Variants in TOP2B observed in about 807,000 individuals in gnomAD.
TOP2B encodes the protein DNA topoisomerase 2-beta.
TOP2B carries 51 observed loss-of-function variants against 193.5 expected under a neutral mutation model. That is an observed-to-expected ratio of 0.26 (90% CI 0.21 to 0.33). The LOEUF is 0.33. Among genes scored for constraint, TOP2B ranks in the 10% least tolerant of loss-of-function variants. The pLI, the probability that TOP2B is intolerant of heterozygous loss-of-function variation, is 1.00. For missense variants in TOP2B, 1,378 were observed against 1,909.3 expected, an observed-to-expected ratio of 0.72 and a Z score of 5.19; for synonymous variants, 634 against 635.7, an observed-to-expected ratio of 1.00 and a Z score of 0.04.
chr3:25,604,996 AAAT>A (rs1195149432), intron 32 of TOP2B, 126 bp from the exon 33 acceptor site: 1 of 657,498 alleles, frequency 1.5e-6, no homozygotes, highest in East Asian at 2.7e-5. Context: ...TTTTGTGACC[AAAT>A]AATCCACAAT....
At chr3:25,612,805 G>T in intron 27 of TOP2B, 96 bp from the exon 28 acceptor site, 1 of 891,224 alleles carries the variant, frequency 1.1e-6, no homozygotes, top group Non-Finnish European at 1.7e-6. Flanking sequence ...TATTCACTCA[G>T]TAAAGAATAA....
chr3:25,637,588 C>T (rs770959846), intron 5 of TOP2B, among the ~76,000 whole-genome samples: 10 of 151,974 alleles, frequency 6.6e-5, no homozygotes, highest in Non-Finnish European at 8.8e-5. Flanking sequence ...TCTTTCACGA[C>T]CCAGCAAATC....
rs532685040 is a variant in TOP2B, at chr3:25,657,106, C to T, written c.69+7123G>A. ...CCCATTCTCAACAAATGGTAATTTA[C>T]ATTGCTCACTGGCTCACTAGTGGCA... On this transcript the variant is annotated intron_variant, in intron 1 of 35. Transcript: ENST00000264331. 1.2e-3 allele frequency among the ~76,000 whole-genome samples: 187 copies of T among 152,326 alleles called. 2 individuals carry two copies. The highest frequency in any genetic ancestry group is 2.3e-3 in the Non-Finnish European group (157 of 68,006).
intron 3 of TOP2B, among the ~76,000 whole-genome samples, 154 bp downstream of exon 3, chr3:25,643,540 T>C (rs943597688): frequency 6.6e-6 from 1 of 152,220 alleles, no homozygotes; most frequent in Non-Finnish European, 1.5e-5. Flanking sequence ...TTACAGATCA[T>C]GGTATAAATT....
At chr3:25,610,425 C>T (rs891989210) in intron 28 of TOP2B, among the ~76,000 whole-genome samples, 1 of 152,086 alleles carries the variant, frequency 6.6e-6, no homozygotes, top group Non-Finnish European at 1.5e-5. Flanking sequence ...AAAAAAGTCT[C>T]CATGGAGAAG....
intron 34 of TOP2B, among the ~76,000 whole-genome samples, chr3:25,599,866 T>C (rs140780853): frequency 0.013 from 2,048 of 152,344 alleles, 50 homozygotes; most frequent in African/African-American, 0.045. Flanking sequence ...TTAAATTACA[T>C]GGGATTTAAA....
At chr3:25,611,432 G>C (rs1575564456) in intron 28 of TOP2B, among the ~76,000 whole-genome samples, 1 of 152,134 alleles carries the variant, frequency 6.6e-6, no homozygotes, top group South Asian at 2.1e-4. Context: ...TCTGCACAGA[G>C]AACTCTCCAA....
chr3:25,624,849 TG>T (rs747837051), intron 18 of TOP2B, 46 bp from the exon 19 acceptor site: 22 of 1,572,804 alleles, frequency 1.4e-5, no homozygotes, highest in Non-Finnish European at 1.9e-5. Context: ...AAGATATAGT[TG>T]TAACAATTCA....
chr3:25,622,623 T>TA lies in TOP2B; in HGVS notation c.2727+891dup, dbSNP rs373211027. 1.5e-3 allele frequency among the ~76,000 whole-genome samples: 205 copies of TA among 138,742 alleles called. 2 individuals are homozygous for TA. In the East Asian group the frequency reaches 0.015, roughly 10 times the overall value. 91.0% of individuals were successfully genotyped at this position (138,742 alleles called of 152,430 possible). ...GAATGATACAAGAAAACAACAAACA[T>TA]AAAAAAAAAATGGGGATTTTTTTTT... On this transcript the variant is annotated intron_variant, in intron 21 of 35. Transcript: ENST00000264331.
Position 25,598,065 on chromosome 3 carries a change from A to AATGCACGGCAGTCT in TOP2B, c.*228_*241dup, listed in dbSNP as rs1701962573. ...AACCATGACAATTAAAATCTGTGCT[A>AATGCACGGCAGTCT]ATGCACGGCAGTCTATAACAATTCT... On this transcript the variant is annotated 3_prime_UTR_variant, in exon 36 of 36. Transcript: ENST00000264331. The AATGCACGGCAGTCT allele has an allele frequency of 3.3e-6, 1 of 305,962 alleles. No homozygotes were observed. The highest frequency in any genetic ancestry group is 1.1e-4 in the South Asian group (1 of 9,346). 19.0% of individuals were successfully genotyped at this position (305,962 alleles called of 1,614,324 possible).
chr3:25,660,249 T>G (rs1301232774), intron 1 of TOP2B, among the ~76,000 whole-genome samples: 1 of 152,226 alleles, frequency 6.6e-6, no homozygotes. Context: ...ATGTCAATTA[T>G]CCAATTTTTA....
At chr3:25,661,960 G>A (rs1255440451) in intron 1 of TOP2B, among the ~76,000 whole-genome samples, 1 of 152,156 alleles carries the variant, frequency 6.6e-6, no homozygotes, top group East Asian at 1.9e-4. Context: ...TAAAGCAGAC[G>A]AAGTTACCTT....
chr3:25,638,608 C>T (rs2125388678), intron 4 of TOP2B, among the ~76,000 whole-genome samples: 1 of 151,924 alleles, frequency 6.6e-6, no homozygotes, highest in East Asian at 1.9e-4. Context: ...AGGCAACATA[C>T]TCATGAGAAA....
rs1405143528 is a variant in TOP2B at position 25,653,518 on chromosome 3, C to T, written c.70-8048G>A. ...CAAGTGATCCTCCCACCTCAGCACACCCACCCTCCTCCTTAATACCCCACA... is the reference window on the plus strand; with the variant it reads ...CAAGTGATCCTCCCACCTCAGCACATCCACCCTCCTCCTTAATACCCCACA... On this transcript the variant is annotated intron_variant, in intron 1 of 35. Transcript: ENST00000264331. 3.3e-5 allele frequency among the ~76,000 whole-genome samples: 5 copies of T among 152,006 alleles called. No homozygotes were observed. In the East Asian group the frequency reaches 9.6e-4, roughly 29 times the overall value.
intron 1 of TOP2B, among the ~76,000 whole-genome samples, chr3:25,661,348 C>T (rs1285846412): frequency 2.0e-5 from 3 of 152,180 alleles, no homozygotes; most frequent in Non-Finnish European, 4.4e-5. Flanking sequence ...GCTTGTTATA[C>T]TACTCTGGTT....
chr3:25,624,706 C>T lies in TOP2B; in HGVS notation c.2322G>A (p.Glu774=). Residue 774 remains glutamate (E), a synonymous_variant, in exon 19 of 36, where the codon GAG becomes GAA. Coordinates refer to ENST00000264331, the MANE Select transcript of TOP2B (RefSeq NM_001330700.2). ...CTTCTCCATGATGATAAGCCGACAT[C>T]TCAGCAACAGAGCCAGCCAACTGGG... ...KVAQLAGSVA[E]MSAYHHGEQA... is the part of the protein sequence containing the mutation. 1 of 1,613,864 alleles carries T rather than the reference C, an allele frequency of 6.2e-7. No homozygotes were observed. The highest frequency in any genetic ancestry group is 2.2e-5 in the East Asian group (1 of 44,858).
chr3:25,619,245 G>A (rs546425410), intron 23 of TOP2B, among the ~76,000 whole-genome samples: 4 of 151,662 alleles, frequency 2.6e-5, no homozygotes, highest in South Asian at 4.2e-4. Flanking sequence ...CTGTGTATAC[G>A]CATTTGTCCC....
At position 25,630,801 on chromosome 3, in the gene TOP2B, C is replaced by A; in HGVS notation, c.1405G>T (p.Gly469Cys). 6.5e-7 allele frequency: 1 copy of A among 1,544,378 alleles called. No individual in the cohort carries two copies. Among genetic ancestry groups the A allele is most frequent in the Non-Finnish European group, 8.7e-7 (1 of 1,154,474 alleles). ...IPKLDDANDA[G>C]GKHSLECTLI... is the part of the protein sequence containing the mutation. ...TCTTATTTAAAAATATCAATCTTAC[C>A]AGCATCATTAGCATCATCCAGTTTG... The change falls in exon 11 of 36, where the codon GGT becomes TGT. Residue 469 changes from glycine to cysteine, a missense_variant and splice_region_variant. By Grantham distance (159) the Gly-to-Cys change is radical. Transcript: ENST00000264331.
At position 25,627,150 on chromosome 3, in the gene TOP2B, T is replaced by G. The variant is rs773023113; in HGVS notation, c.2016+37A>C. Reference sequence around the variant, plus strand: ...AGGAAAGGAATAGAAGGTAGGGGGATGGCTAACAAAAGCTTTTAAAAAATT... The same window carrying G: ...AGGAAAGGAATAGAAGGTAGGGGGAGGGCTAACAAAAGCTTTTAAAAAATT... On this transcript the variant is annotated intron_variant, in intron 16 of 35. Coordinates refer to ENST00000264331, the MANE Select transcript of TOP2B (RefSeq NM_001330700.2). 5 of 1,420,298 alleles carry G rather than the reference T, an allele frequency of 3.5e-6. No individual in the cohort carries two copies. In the South Asian group the frequency reaches 6.2e-5, roughly 18 times the overall value. 88.0% of individuals were successfully genotyped at this position (1,420,298 alleles called of 1,614,324 possible).
Sources: gnomAD v4.1 joint callset for allele counts (sites outside exome capture counted in the v4.1 genomes callset) on GRCh38, gnomAD v4.1.1 for gene constraint, MANE v1.5 for transcripts, NCBI Gene and HGNC (gene_info 2026-07-23, HGNC 2026-07-21) for gene names.